Variants in UGT1A9 observed in about 807,000 individuals in gnomAD.
UGT1A9 encodes the protein UDP-glucuronosyltransferase 1A9.
A neutral mutation model predicts 45.0 loss-of-function variants in UGT1A9; 35 were observed. That is an observed-to-expected ratio of 0.78 (90% CI 0.59 to 1.03). The LOEUF is 1.03. Ranked by LOEUF, UGT1A9 falls within the 50% of genes least tolerant of loss-of-function variation. The pLI, the probability that UGT1A9 is intolerant of heterozygous loss-of-function variation, is 0.00. For synonymous variants in UGT1A9, 278 were observed against 250.6 expected, an observed-to-expected ratio of 1.11 and a Z score of -1.03; for missense variants, 687 against 666.6, an observed-to-expected ratio of 1.03 and a Z score of -0.34.
At chr2:233,742,458 C>T (rs1691985678) in intron 1 of UGT1A9, among the ~76,000 whole-genome samples, 1 of 151,914 alleles carries the variant, frequency 6.6e-6, no homozygotes, top group African/African-American at 2.4e-5. Context: ...GTTCCTTGCC[C>T]TTATTCCAGT....
chr2:233,693,199 G>T (rs1204736990), intron 1 of UGT1A9: 3 of 1,613,990 alleles, frequency 1.9e-6, no homozygotes, highest in Non-Finnish European at 2.5e-6. Context: ...AAGTTAATTT[G>T]CTTTTGAAAG....
At chr2:233,703,741 A>T (rs750390078) in intron 1 of UGT1A9, among the ~76,000 whole-genome samples, 22 of 152,044 alleles carry the variant, frequency 1.4e-4, no homozygotes, top group Non-Finnish European at 2.9e-4. Flanking sequence ...TTTTGTTTTT[A>T]AATCTCAAAT....
intron 1 of UGT1A9, among the ~76,000 whole-genome samples, chr2:233,721,151 A>C (rs2076923692): frequency 6.6e-6 from 1 of 152,178 alleles, no homozygotes. Context: ...TGCAAAGGAC[A>C]CTAAACTTTA....
intron 1 of UGT1A9, chr2:233,682,730 G>A (rs745901168): frequency 9.3e-6 from 15 of 1,613,704 alleles, no homozygotes; most frequent in Admixed American, 1.7e-5. Flanking sequence ...TCCCAAACCC[G>A]TGATGCCCAA....
chr2:233,738,552 A>G (rs1690828965), intron 1 of UGT1A9, among the ~76,000 whole-genome samples: 1 of 152,208 alleles, frequency 6.6e-6, no homozygotes, highest in South Asian at 2.1e-4. Flanking sequence ...TCTCAGATAG[A>G]GATGAGGAAT....
chr2:233,725,322 G>T (rs1180235241), intron 1 of UGT1A9, among the ~76,000 whole-genome samples: 1 of 103,758 alleles, frequency 9.6e-6, no homozygotes, highest in Admixed American at 1.0e-4. Context: ...AGAGGCGCCT[G>T]GTCAACAATC....
In UGT1A9 at chr2:233,725,175, T is replaced by TG. The variant is rs1374547834; in HGVS notation, c.856-41855dup. On this transcript the variant is annotated intron_variant, in intron 1 of 4. Transcript: ENST00000354728. ...TCGGCTCTGCATGAGAGGGAGACCG[T>TG]GGGGAGAGGCAGAGGCAGAGGCAGA... Among the ~76,000 whole-genome samples the TG allele has an allele frequency of 1.3e-4, 11 of 81,994 alleles. 2 individuals are homozygous for TG. In the East Asian group the frequency reaches 2.4e-3, roughly 18 times the overall value. 53.8% of individuals were successfully genotyped at this position (81,994 alleles called of 152,430 possible). A position where few individuals can be genotyped will look rare whatever the true frequency, so the allele number is the denominator to read the frequency against.
At chr2:233,724,342 C>T (rs1220787897) in intron 1 of UGT1A9, among the ~76,000 whole-genome samples, 6 of 135,502 alleles carry the variant, frequency 4.4e-5, no homozygotes, top group Non-Finnish European at 8.0e-5. Flanking sequence ...GGGGGCTGAC[C>T]CCCCCCACCT....
intron 1 of UGT1A9, chr2:233,692,753 T>C: frequency 8.8e-7 from 1 of 1,135,016 alleles, no homozygotes; most frequent in African/African-American, 1.6e-5. Flanking sequence ...AGCAGACTTG[T>C]GGAGCTGAAG....
At chr2:233,725,539 A>G (rs980471563) in intron 1 of UGT1A9, among the ~76,000 whole-genome samples, 6 of 152,146 alleles carry the variant, frequency 3.9e-5, no homozygotes, top group African/African-American at 1.4e-4. Context: ...CAGACATATC[A>G]CAAATATTAT....
intron 1 of UGT1A9, chr2:233,719,737 T>A: frequency 6.2e-7 from 1 of 1,613,180 alleles, no homozygotes; most frequent in Non-Finnish European, 8.5e-7. Context: ...AAACACTTTT[T>A]AAAAAATGTA....
At chr2:233,756,974 T>C (rs1036999646) in intron 1 of UGT1A9, among the ~76,000 whole-genome samples, 2 of 151,942 alleles carry the variant, frequency 1.3e-5, no homozygotes, top group South Asian at 2.1e-4. Context: ...AAGCACGCAA[T>C]GAACAGTCAT....
At chr2:233,755,289 T>G in intron 1 of UGT1A9, 1 of 651,342 alleles carries the variant, frequency 1.5e-6, no homozygotes, top group East Asian at 5.8e-5. Flanking sequence ...CCAAAGAGCC[T>G]GCGGGGCACT....
At chr2:233,733,817 C>T (rs994930501) in intron 1 of UGT1A9, among the ~76,000 whole-genome samples, 1 of 152,092 alleles carries the variant, frequency 6.6e-6, no homozygotes, top group Admixed American at 6.5e-5. Flanking sequence ...ATGCTGGCCT[C>T]ATAAAATGAG....
chr2:233,722,502 G>A (rs773612729), intron 1 of UGT1A9, among the ~76,000 whole-genome samples: 5 of 152,056 alleles, frequency 3.3e-5, no homozygotes, highest in African/African-American at 9.7e-5. Context: ...TTTCCGTTTC[G>A]TTAATTGCAG....
intron 1 of UGT1A9, among the ~76,000 whole-genome samples, chr2:233,745,523 G>A (rs530279744): frequency 2.0e-5 from 3 of 151,672 alleles, no homozygotes; most frequent in African/African-American, 2.4e-5. Context: ...GGTCTAATGG[G>A]GATGTGTTAT....
chr2:233,719,188 C>T (rs771753301), intron 1 of UGT1A9: 23 of 1,614,004 alleles, frequency 1.4e-5, no homozygotes, highest in Admixed American at 1.0e-4. Flanking sequence ...GTATCTTTGG[C>T]CCTTCATAGG....
At chr2:233,737,195 G>A (rs1395224472) in intron 1 of UGT1A9, among the ~76,000 whole-genome samples, 2 of 152,236 alleles carry the variant, frequency 1.3e-5, no homozygotes, top group African/African-American at 4.8e-5. Flanking sequence ...CCCTTGCTGA[G>A]CTGCGGTGGA....
chr2:233,738,058 G>A (rs1690676256), intron 1 of UGT1A9, among the ~76,000 whole-genome samples: 1 of 152,076 alleles, frequency 6.6e-6, no homozygotes, highest in Non-Finnish European at 1.5e-5. Flanking sequence ...AGGACATGGT[G>A]GGAGGTCCCC....
Sources: gnomAD v4.1 joint callset for allele counts (sites outside exome capture counted in the v4.1 genomes callset) on GRCh38, gnomAD v4.1.1 for gene constraint, MANE v1.5 for transcripts, NCBI Gene and HGNC (gene_info 2026-07-23, HGNC 2026-07-21) for gene names.